The following KCNQ1 variants were observed in gnomAD, a reference collection of about 807,000 sequenced individuals.
The protein encoded by KCNQ1 is potassium voltage-gated channel subfamily KQT member 1.
A neutral mutation model predicts 72.4 loss-of-function variants in KCNQ1; 49 were observed. That is an observed-to-expected ratio of 0.68 (90% CI 0.54 to 0.86). The LOEUF is 0.86. Ranked by LOEUF, KCNQ1 falls within the 40% of genes least tolerant of loss-of-function variation. The probability of loss-of-function intolerance (pLI) is 0.00; values close to 1 mark genes in which losing one functional copy is unlikely to be tolerated. For synonymous variants in KCNQ1, 450 were observed against 412.6 expected (o/e 1.09, Z -1.10); for missense variants, 790 against 945.1 (o/e 0.84, Z 2.15).
intron 10 of KCNQ1, chr11:2,646,651 G>A: frequency 2.5e-6 from 1 of 398,584 alleles, no homozygotes; most frequent in Non-Finnish European, 4.4e-6. Context: ...TCAGCCTCCT[G>A]AGTAGCTGAA....
chr11:2,662,818 G>A lies in KCNQ1; in HGVS notation c.1514+737G>A, dbSNP rs182677518. 2.7e-3 allele frequency: 1,090 copies of A among 398,848 alleles called. 2 individuals are homozygous for A. The highest frequency in any genetic ancestry group is 4.5e-3 in the South Asian group (35 of 7,862). The allele number at this position is 398,848 out of a possible 1,614,324, so 24.7% of individuals were successfully genotyped here. On this transcript the variant is annotated intron_variant, in intron 11 of 15. Transcript: ENST00000155840. ...GTCAAGATCTGTGAGTGACACTCGC[G>A]GCCCTTCTGAGGGTCACTTGTGGAA...
At position 2,661,921 on chromosome 11, in the gene KCNQ1, GT is replaced by G. The variant is rs1227037407; in HGVS notation, c.1394-39del. On this transcript the variant is annotated intron_variant, in intron 10 of 15. Coordinates refer to ENST00000155840, the MANE Select transcript of KCNQ1 (RefSeq NM_000218.3). The surrounding 1 kb of genome is among the most constrained non-coding windows in gnomAD (Gnocchi z 5.9). ...TGGCTCCACAGCACTGGCAGGTTGG[GT>G]GGGAGGCCTAACGTGCTGTCCCCAC... The G allele has an allele frequency of 4.3e-6, 7 of 1,613,720 alleles. No individual in the cohort carries two copies. In the African/African-American group the frequency reaches 8.0e-5, roughly 18 times the overall value.
intron 11 of KCNQ1, among the ~76,000 whole-genome samples, chr11:2,751,031 G>T (rs577757431): frequency 6.6e-6 from 1 of 152,118 alleles, no homozygotes; most frequent in African/African-American, 2.4e-5. Context: ...CCTTCCTGGT[G>T]GCTCTGTGCA....
chr11:2,778,141 C>T (rs1231774740), intron 15 of KCNQ1, 104 bp downstream of exon 15: 10 of 1,120,666 alleles, frequency 8.9e-6, no homozygotes, highest in Non-Finnish European at 1.3e-5. Flanking sequence ...CAGGCCTCCC[C>T]ACCTTCCCGC....
intron 15 of KCNQ1, chr11:2,840,058 A>G (rs1564912772): frequency 3.3e-5 from 5 of 152,214 alleles, no homozygotes; most frequent in African/African-American, 9.7e-5. Context: ...AAACCCATGT[A>G]TAACTTTTGA....
At chr11:2,714,290 G>A (rs1287732935) in intron 11 of KCNQ1, among the ~76,000 whole-genome samples, 4 of 152,218 alleles carry the variant, frequency 2.6e-5, no homozygotes, top group Admixed American at 6.5e-5. Flanking sequence ...GGCCTGAGCC[G>A]CAAGGTCAGC....
chr11:2,577,168 G>A (rs950002967), intron 6 of KCNQ1, among the ~76,000 whole-genome samples: 4 of 152,236 alleles, frequency 2.6e-5, no homozygotes, highest in Non-Finnish European at 5.9e-5. Context: ...TCACTGTTGA[G>A]GCGTGTGGTT....
chr11:2,608,596 C>T lies in KCNQ1; in HGVS notation c.1393+19742C>T, dbSNP rs1486080023. 1 of 398,424 alleles carries T rather than the reference C, an allele frequency of 2.5e-6. No homozygotes were observed. Among genetic ancestry groups the T allele is most frequent in the Admixed American group, 4.4e-5 (1 of 22,704 alleles). 24.7% of individuals were successfully genotyped at this position (398,424 alleles called of 1,614,324 possible). On this transcript the variant is annotated intron_variant, in intron 10 of 15. Coordinates refer to ENST00000155840, the MANE Select transcript of KCNQ1 (RefSeq NM_000218.3). This position sits in a 1 kb window ranked among gnomAD's most constrained non-coding sequence, Gnocchi z 4.6. Reference sequence around the variant, plus strand: ...TCTCAAGTGATCCTTGCCCCTTAGCCTATGACAGGTGTGCACCACAACACC... The same window carrying T: ...TCTCAAGTGATCCTTGCCCCTTAGCTTATGACAGGTGTGCACCACAACACC...
At chr11:2,467,957 G>C (rs559421290) in intron 1 of KCNQ1, among the ~76,000 whole-genome samples, 105 of 152,324 alleles carry the variant, frequency 6.9e-4, no homozygotes, top group African/African-American at 2.0e-3. Flanking sequence ...CTGGCCCAGC[G>C]TGGGGACCTG....
At chr11:2,831,448 C>A (rs1002913996) in intron 15 of KCNQ1, among the ~76,000 whole-genome samples, 8 of 152,086 alleles carry the variant, frequency 5.3e-5, no homozygotes, top group African/African-American at 1.9e-4. Flanking sequence ...AGGAAGCCCT[C>A]CCTGACTGTG....
Position 2,602,730 on chromosome 11 carries a change from G to A in KCNQ1, c.1393+13876G>A, listed in dbSNP as rs188855464. Among the ~76,000 whole-genome samples the A allele has an allele frequency of 3.7e-4, 57 of 152,272 alleles. 1 individual carries two copies. In the East Asian group the frequency reaches 0.011, roughly 28 times the overall value. On this transcript the variant is annotated intron_variant, in intron 10 of 15. Transcript: ENST00000155840. This position sits in a 1 kb window ranked among gnomAD's most constrained non-coding sequence, Gnocchi z 4.8. ...TTGCCATTTTTGTATTCTATGCAGTGAAATTCTTGTTGATATCATTTTTCC... is the reference window on the plus strand; with the variant it reads ...TTGCCATTTTTGTATTCTATGCAGTAAAATTCTTGTTGATATCATTTTTCC...
chr11:2,800,748 C>T (rs1360600148), intron 15 of KCNQ1, among the ~76,000 whole-genome samples: 1 of 152,208 alleles, frequency 6.6e-6, no homozygotes, highest in African/African-American at 2.4e-5. Context: ...TGGGGACATG[C>T]TTGCGGGGGT....
intron 10 of KCNQ1, chr11:2,609,333 A>G (rs1478499481): frequency 2.5e-6 from 1 of 398,212 alleles, no homozygotes; most frequent in African/African-American, 2.1e-5. Context: ...ATGTTTCCCT[A>G]ATTTCTTTGC....
At chr11:2,584,134 A>G (rs980623230) in intron 7 of KCNQ1, among the ~76,000 whole-genome samples, 2 of 152,164 alleles carry the variant, frequency 1.3e-5, no homozygotes, top group East Asian at 3.8e-4. Flanking sequence ...CTGTGTATAC[A>G]TATTGTATGT....
In KCNQ1 at chr11:2,674,205, G is replaced by T; in HGVS notation, c.1514+12124G>T. 2.5e-6 allele frequency: 1 copy of T among 398,690 alleles called. No homozygotes were observed. Among genetic ancestry groups the T allele is most frequent in the Non-Finnish European group, 4.4e-6 (1 of 226,144 alleles). The allele number at this position is 398,690 out of a possible 1,614,324, so 24.7% of individuals were successfully genotyped here. A position where few individuals can be genotyped will look rare whatever the true frequency, so the allele number is the denominator to read the frequency against. On this transcript the variant is annotated intron_variant, in intron 11 of 15. Transcript: ENST00000155840. This position sits in a 1 kb window ranked among gnomAD's most constrained non-coding sequence, Gnocchi z 5.9. The stretch of plus-strand genomic sequence containing the variant: ...GGCTGGGGAGAGCACAGCCAGTTGT[G>T]GGTTTTTCTTGGGGCCCAGATAGAT...
intron 11 of KCNQ1, chr11:2,665,325 A>G (rs1303777526): frequency 2.5e-6 from 1 of 398,226 alleles, no homozygotes; most frequent in East Asian, 3.6e-5. Flanking sequence ...GGTGGGAAGT[A>G]GAGACTGTAG....
intron 1 of KCNQ1, among the ~76,000 whole-genome samples, chr11:2,472,028 TTGTG>T (rs368949830): frequency 1.4e-5 from 2 of 147,572 alleles, no homozygotes; most frequent in African/African-American, 2.5e-5. Flanking sequence ...GTATGTATGG[TTGTG>T]TGTGTATAGG....
intron 11 of KCNQ1, among the ~76,000 whole-genome samples, chr11:2,739,744 C>T (rs979894546): frequency 6.6e-6 from 1 of 152,240 alleles, no homozygotes; most frequent in Non-Finnish European, 1.5e-5. Flanking sequence ...GACTGCCGGC[C>T]CTGTCAGTAT....
At chr11:2,779,211 G>A (rs534138244) in intron 15 of KCNQ1, among the ~76,000 whole-genome samples, 10 of 152,214 alleles carry the variant, frequency 6.6e-5, no homozygotes, top group Admixed American at 3.3e-4. Flanking sequence ...AGCAAGACCC[G>A]GGAGAGGTCA....
Sources: allele counts gnomAD v4.1 joint callset (sites outside exome capture counted in the v4.1 genomes callset), GRCh38; gene constraint gnomAD v4.1.1; non-coding constraint Gnocchi (gnomAD v3.1); transcripts MANE v1.5; gene names NCBI Gene and HGNC (gene_info 2026-07-23, HGNC 2026-07-21).